DGLUCY: variants seen among roughly 807,000 people sequenced by gnomAD.
DGLUCY encodes the protein D-glutamate cyclase, mitochondrial.
A neutral mutation model predicts 58.5 loss-of-function variants in DGLUCY; 58 were observed. That is an observed-to-expected ratio of 0.99 (90% CI 0.80 to 1.23). The LOEUF (loss-of-function observed/expected upper bound fraction) is 1.23, where lower values mean the gene tolerates loss of function less well. Among genes scored for constraint, DGLUCY ranks in the 50% most tolerant of loss-of-function variants. The pLI is 0.00. For missense variants in DGLUCY, 779 were observed against 784.7 expected (o/e 0.99, Z 0.09); for synonymous variants, 325 against 314.1 (o/e 1.03, Z -0.37).
intron 1 of DGLUCY, among the ~76,000 whole-genome samples, chr14:91,092,342 A>G (rs2044325680): frequency 6.6e-6 from 1 of 152,216 alleles, no homozygotes; most frequent in Non-Finnish European, 1.5e-5. Flanking sequence ...TAGGTGTTCA[A>G]TAAACTCTTG....
At chr14:91,132,770 G>A (rs866942748) in intron 1 of DGLUCY, among the ~76,000 whole-genome samples, 1 of 151,794 alleles carries the variant, frequency 6.6e-6, no homozygotes, top group Non-Finnish European at 1.5e-5. Context: ...GAGCCACTGC[G>A]CCCAGCCAGA....
At chr14:91,199,968 T>C (rs758265498) in intron 11 of DGLUCY, 63 bp downstream of exon 11, 1 of 1,598,540 alleles carries the variant, frequency 6.3e-7, no homozygotes, top group Non-Finnish European at 8.6e-7. Flanking sequence ...TTTGTTGTTG[T>C]TGTTGTTATG....
exon 1 of DGLUCY, chr14:91,060,493 C>T (rs1376139294): frequency 2.3e-6 from 3 of 1,296,346 alleles, no homozygotes; most frequent in Non-Finnish European, 3.0e-6. Context: ...AGACAGCGGA[C>T]GCCCGTCCCC....
rs186195006 is a variant in DGLUCY at position 91,171,583 on chromosome 14, C to T, written c.456+1382C>T. Among the ~76,000 whole-genome samples the T allele has an allele frequency of 2.3e-4, 35 of 152,362 alleles. No individual in the cohort carries two copies. In the East Asian group the frequency reaches 2.3e-3, roughly 10 times the overall value. ...GTCCCCTCTCCTGGGTGCTATTATG[C>T]AGACACTGCTGGCAGCCACACCGAG... On this transcript the variant is annotated intron_variant, in intron 5 of 13. Coordinates refer to ENST00000256324, the MANE Select transcript of DGLUCY (RefSeq NM_001102368.3).
At chr14:91,080,403 G>A (rs1367136842) in intron 1 of DGLUCY, among the ~76,000 whole-genome samples, 4 of 152,048 alleles carry the variant, frequency 2.6e-5, no homozygotes, top group African/African-American at 7.2e-5. Flanking sequence ...ACGGAGTCTC[G>A]CACTGTTGCC....
chr14:91,198,616 G>A (rs2050366435), intron 10 of DGLUCY, among the ~76,000 whole-genome samples: 1 of 151,144 alleles, frequency 6.6e-6, no homozygotes, highest in African/African-American at 2.4e-5. Context: ...CAAATGGCTA[G>A]GATTACCGGT....
At chr14:91,068,293 G>A (rs77941874) in intron 1 of DGLUCY, among the ~76,000 whole-genome samples, 83 of 152,260 alleles carry the variant, frequency 5.5e-4, no homozygotes, top group Non-Finnish European at 6.3e-4. Flanking sequence ...TTCCACCTCC[G>A]TTTCAACCTG....
At chr14:91,078,252 C>T (rs2044064106) in intron 1 of DGLUCY, among the ~76,000 whole-genome samples, 1 of 152,176 alleles carries the variant, frequency 6.6e-6, no homozygotes, top group Non-Finnish European at 1.5e-5. Flanking sequence ...TGATCTTGAA[C>T]TGTTTCCATT....
At chr14:91,078,109 A>G (rs1371552229) in intron 1 of DGLUCY, among the ~76,000 whole-genome samples, 2 of 151,810 alleles carry the variant, frequency 1.3e-5, no homozygotes, top group Non-Finnish European at 1.5e-5. Flanking sequence ...GCTCACTGCA[A>G]CCTCCGCCTC....
chr14:91,204,848 A>G, intron 12 of DGLUCY, 23 bp downstream of exon 12: 1 of 1,613,670 alleles, frequency 6.2e-7, no homozygotes, highest in Middle Eastern at 1.7e-4. Flanking sequence ...ATGGCCGCCC[A>G]GTCCGGCCGG....
intron 1 of DGLUCY, among the ~76,000 whole-genome samples, chr14:91,120,497 T>C (rs2401976): frequency 0.84 from 127,388 of 152,126 alleles, 53,704 homozygotes; most frequent in East Asian, 1. Flanking sequence ...CTGCAGCCTC[T>C]ACCTCCTGGG....
chr14:91,119,802 G>A (rs1196940288), intron 1 of DGLUCY, among the ~76,000 whole-genome samples: 1 of 152,208 alleles, frequency 6.6e-6, no homozygotes, highest in Non-Finnish European at 1.5e-5. Flanking sequence ...GCTCATCTAG[G>A]ACAAAAGCAG....
At chr14:91,199,993 C>T (rs2050455616) in intron 11 of DGLUCY, 88 bp downstream of exon 11, 3 of 1,542,868 alleles carry the variant, frequency 1.9e-6, no homozygotes, top group Admixed American at 1.7e-5. Flanking sequence ...CTTGCTCTGT[C>T]ACCCAGGCTG....
intron 1 of DGLUCY, among the ~76,000 whole-genome samples, chr14:91,094,969 G>A (rs533572869): frequency 4.0e-4 from 61 of 152,190 alleles, no homozygotes; most frequent in African/African-American, 1.5e-3. Flanking sequence ...AATGGAACCT[G>A]CTCGCTCTGG....
At chr14:91,159,252 GC>G (rs1307278370) in intron 2 of DGLUCY, among the ~76,000 whole-genome samples, 1 of 152,072 alleles carries the variant, frequency 6.6e-6, no homozygotes, top group Non-Finnish European at 1.5e-5. Context: ...TTTGAGACCA[GC>G]CTGGTCAACA....
At chr14:91,162,498 C>T (rs1328026811) in intron 3 of DGLUCY, among the ~76,000 whole-genome samples, 1 of 152,206 alleles carries the variant, frequency 6.6e-6, no homozygotes, top group East Asian at 1.9e-4. Flanking sequence ...GGCTTCTATT[C>T]TGTGTCCTGT....
intron 10 of DGLUCY, among the ~76,000 whole-genome samples, chr14:91,197,434 C>T (rs990905209): frequency 6.6e-6 from 1 of 152,176 alleles, no homozygotes; most frequent in African/African-American, 2.4e-5. Flanking sequence ...GCTTACACTT[C>T]AGTGGCGTAA....
rs1888006120 is a variant in DGLUCY, at chr14:91,224,911, A to G, written c.*78A>G. ...GGGGAGAATGCAGCTGCTTCTGGCG[A>G]CAATCCTGCTAGTAAACACTGGTCT... On this transcript the variant is annotated 3_prime_UTR_variant, in exon 14 of 14. Transcript: ENST00000256324. 1 of 1,430,076 alleles carries G rather than the reference A, an allele frequency of 7.0e-7. No homozygotes were observed. The highest frequency in any genetic ancestry group is 1.4e-5 in the South Asian group (1 of 70,442). 88.6% of individuals were successfully genotyped at this position (1,430,076 alleles called of 1,614,324 possible).
chr14:91,076,586 G>A (rs1425848516), intron 1 of DGLUCY, among the ~76,000 whole-genome samples: 3 of 152,122 alleles, frequency 2.0e-5, no homozygotes, highest in Non-Finnish European at 2.9e-5. Flanking sequence ...TTTAGGACCC[G>A]GTGGAGGTGG....
Sources: gnomAD v4.1 joint callset for allele counts (sites outside exome capture counted in the v4.1 genomes callset) on GRCh38, gnomAD v4.1.1 for gene constraint, MANE v1.5 for transcripts, NCBI Gene and HGNC (gene_info 2026-07-23, HGNC 2026-07-21) for gene names.